EIF4G3: variants seen among roughly 807,000 people sequenced by gnomAD.
EIF4G3 encodes the protein eukaryotic translation initiation factor 4 gamma 3.
A neutral mutation model predicts 186.4 loss-of-function variants in EIF4G3; 34 were observed. The ratio of observed to expected loss-of-function variants is 0.18; its 90% confidence interval spans 0.14 to 0.24. The LOEUF is 0.24. Ranked by LOEUF, EIF4G3 falls within the 10% of genes least tolerant of loss-of-function variation. The pLI, the probability that EIF4G3 is intolerant of heterozygous loss-of-function variation, is 1.00. For missense variants in EIF4G3, 1,536 were observed against 1,948.5 expected, an observed-to-expected ratio of 0.79 and a Z score of 3.99; for synonymous variants, 673 against 679.5, an observed-to-expected ratio of 0.99 and a Z score of 0.15.
rs568068751 is a variant in EIF4G3 at position 21,165,177 on chromosome 1, T to C, written c.-272+10998A>G. ...GGCCTATAATCAAAAAGACAAATAA[T>C]GACAGGTGTTGGCAAGGATGCAGAA... On this transcript the variant is annotated intron_variant, in intron 2 of 36. Coordinates refer to ENST00000602326, the MANE Select transcript of EIF4G3 (RefSeq NM_001391906.1). Among the ~76,000 whole-genome samples the C allele has an allele frequency of 4.6e-5, 7 of 152,232 alleles. No homozygotes were observed. In the South Asian group the frequency reaches 1.2e-3, roughly 27 times the overall value.
At chr1:21,170,291 C>A (rs976782194) in intron 2 of EIF4G3, among the ~76,000 whole-genome samples, 1 of 152,202 alleles carries the variant, frequency 6.6e-6, no homozygotes, top group African/African-American at 2.4e-5. Flanking sequence ...ACAAAATAAA[C>A]AAAAATCTCT....
intron 19 of EIF4G3, among the ~76,000 whole-genome samples, chr1:20,881,954 G>A (rs1432155044): frequency 6.6e-6 from 1 of 150,906 alleles, no homozygotes; most frequent in Non-Finnish European, 1.5e-5. Context: ...CTTGAGCTCA[G>A]GGGTTTCGAG....
chr1:21,067,765 G>C (rs1257307836), intron 3 of EIF4G3, among the ~76,000 whole-genome samples: 1 of 151,972 alleles, frequency 6.6e-6, no homozygotes, highest in East Asian at 1.9e-4. Flanking sequence ...CCACTGCAAG[G>C]GGAAAATCTG....
At chr1:21,002,639 C>A (rs958593464) in intron 5 of EIF4G3, 74 bp downstream of exon 5, 2 of 1,447,806 alleles carry the variant, frequency 1.4e-6, no homozygotes, top group Admixed American at 2.4e-5. Context: ...AAATATTTGC[C>A]AAAGAAACCC....
chr1:21,087,755 T>C (rs2096040378), intron 3 of EIF4G3, among the ~76,000 whole-genome samples: 1 of 152,086 alleles, frequency 6.6e-6, no homozygotes, highest in South Asian at 2.1e-4. Context: ...TGCCTCAGCC[T>C]CCTGAGTAGC....
chr1:21,094,346 C>T (rs1572450066), intron 2 of EIF4G3, among the ~76,000 whole-genome samples: 1 of 151,972 alleles, frequency 6.6e-6, no homozygotes, highest in Non-Finnish European at 1.5e-5. Context: ...CAATTCACAA[C>T]AGCAAAGACT....
rs900322893 is a variant in EIF4G3 at position 20,974,281 on chromosome 1, G to C, written c.494-1182C>G. Among the ~76,000 whole-genome samples, 9 of 152,184 alleles carry C rather than the reference G, an allele frequency of 5.9e-5. 1 individual carries two copies. Among genetic ancestry groups the C allele is most frequent in the Non-Finnish European group, 1.5e-5 (1 of 68,034 alleles). On this transcript the variant is annotated intron_variant, in intron 10 of 36. Coordinates refer to ENST00000602326, the MANE Select transcript of EIF4G3 (RefSeq NM_001391906.1). ...AACAAGACTAGATAACTCAGGAAAT[G>C]AATACAGATAGAAAAGAAGCCCAGT...
intron 3 of EIF4G3, among the ~76,000 whole-genome samples, chr1:21,067,920 AAAAT>A (rs1319691906): frequency 2.0e-5 from 3 of 152,152 alleles, no homozygotes; most frequent in South Asian, 2.1e-4. Flanking sequence ...CATCTCAAAA[AAAAT>A]AAATAAATAA....
chr1:21,002,833 A>G lies in EIF4G3; in HGVS notation c.-66-25T>C, dbSNP rs757276409. 107 of 1,392,238 alleles carry G rather than the reference A, an allele frequency of 7.7e-5. 1 individual carries two copies. The highest frequency in any genetic ancestry group is 5.4e-4 in the Middle Eastern group (3 of 5,558). 86.2% of individuals were successfully genotyped at this position (1,392,238 alleles called of 1,614,324 possible). On this transcript the variant is annotated intron_variant, in intron 4 of 36. Transcript: ENST00000602326. ...TCTGTCAAAAAATGGCAAGAACAATATAATATTTTGAAAAAATATGGCATG... is the reference window on the plus strand; with the variant it reads ...TCTGTCAAAAAATGGCAAGAACAATGTAATATTTTGAAAAAATATGGCATG...
chr1:21,036,350 T>C (rs1243220127), intron 4 of EIF4G3, among the ~76,000 whole-genome samples: 1 of 152,106 alleles, frequency 6.6e-6, no homozygotes, highest in Non-Finnish European at 1.5e-5. Context: ...TCTACACTTG[T>C]CTGCATACCT....
intron 10 of EIF4G3, among the ~76,000 whole-genome samples, chr1:20,974,443 A>T (rs1034595481): frequency 4.6e-5 from 7 of 152,164 alleles, no homozygotes; most frequent in Non-Finnish European, 2.9e-5. Flanking sequence ...AACCACATCA[A>T]ATGGTGCTGA....
At chr1:20,887,828 A>C (rs1361184342) in intron 18 of EIF4G3, among the ~76,000 whole-genome samples, 1 of 152,170 alleles carries the variant, frequency 6.6e-6, no homozygotes, top group African/African-American at 2.4e-5. Flanking sequence ...AGCCCAGAAG[A>C]AACAATTCTG....
intron 3 of EIF4G3, among the ~76,000 whole-genome samples, chr1:21,070,137 T>C (rs1157565633): frequency 1.3e-4 from 20 of 152,060 alleles, no homozygotes; most frequent in Non-Finnish European, 1.5e-5. Flanking sequence ...TCTAGGAAAA[T>C]TTTAAGGCCA....
intron 4 of EIF4G3, among the ~76,000 whole-genome samples, chr1:21,014,144 G>C (rs1472535945): frequency 3.3e-5 from 5 of 152,172 alleles, no homozygotes; most frequent in Non-Finnish European, 1.5e-5. Context: ...ACTCCAGCCT[G>C]GGTGACAAAG....
chr1:21,047,868 A>G (rs770044746), intron 4 of EIF4G3, among the ~76,000 whole-genome samples: 5 of 152,148 alleles, frequency 3.3e-5, no homozygotes, highest in African/African-American at 7.2e-5. Context: ...CTTCCTCACC[A>G]TATCAACAAG....
At chr1:21,041,611 A>G (rs2093584959) in intron 4 of EIF4G3, among the ~76,000 whole-genome samples, 1 of 152,244 alleles carries the variant, frequency 6.6e-6, no homozygotes, top group African/African-American at 2.4e-5. Flanking sequence ...TTTGAATAAT[A>G]TAGTGTAGTA....
intron 18 of EIF4G3, 149 bp from the exon 19 acceptor site, chr1:20,886,520 G>A: frequency 1.6e-6 from 1 of 632,504 alleles, no homozygotes; most frequent in South Asian, 3.5e-5. Flanking sequence ...CTTTTTTGGG[G>A]GTAAAAAAAA....
intron 2 of EIF4G3, among the ~76,000 whole-genome samples, chr1:21,143,980 G>A (rs1369801150): frequency 3.3e-5 from 5 of 152,140 alleles, no homozygotes; most frequent in African/African-American, 1.2e-4. Flanking sequence ...TGCCCTGGCT[G>A]GTTTCCAACT....
chr1:21,138,169 G>A (rs1169138387), intron 2 of EIF4G3, among the ~76,000 whole-genome samples: 3 of 152,128 alleles, frequency 2.0e-5, no homozygotes, highest in African/African-American at 7.2e-5. Context: ...AACACAGAGG[G>A]GAAAATTTCA....
Sources: gnomAD v4.1 joint callset for allele counts (sites outside exome capture counted in the v4.1 genomes callset) on GRCh38, gnomAD v4.1.1 for gene constraint, MANE v1.5 for transcripts, NCBI Gene and HGNC (gene_info 2026-07-23, HGNC 2026-07-21) for gene names.